The following EDA variants were observed in gnomAD, a reference collection of about 807,000 sequenced individuals.
EDA encodes ectodysplasin-A.
In EDA, 2 loss-of-function variants were observed where a neutral mutation model predicts 23.6. That is an observed-to-expected ratio of 0.08 (90% CI 0.03 to 0.27). The LOEUF (loss-of-function observed/expected upper bound fraction) is 0.27. EDA is among the 10% of genes least tolerant of loss of function. EDA has a pLI of 1.00. For synonymous variants in EDA, 131 were observed against 132.0 expected (o/e 0.99, Z 0.05); for missense variants, 229 against 324.2 (o/e 0.71, Z 2.26).
chrX:69,773,338 C>A (rs763284334), intron 1 of EDA, among the ~76,000 whole-genome samples: 65 of 111,798 alleles, frequency 5.8e-4, no homozygotes, highest in Non-Finnish European at 9.6e-4. Flanking sequence ...TTGTTTCCAC[C>A]CTTTGGCTTT....
intron 2 of EDA, among the ~76,000 whole-genome samples, chrX:69,983,758 G>A (rs1274705052): frequency 1.1e-5 from 1 of 89,227 alleles, no homozygotes; most frequent in Non-Finnish European, 2.2e-5. Context: ...TTCTCGAGGA[G>A]TATCTTTGTG....
chrX:69,910,694 C>T (rs1474673253), intron 1 of EDA, among the ~76,000 whole-genome samples: 1 of 111,131 alleles, frequency 9.0e-6, no homozygotes, highest in Admixed American at 9.7e-5. Context: ...CGTTCACTGA[C>T]TATTTTGTCA....
At chrX:69,785,878 C>T (rs2015147121) in intron 1 of EDA, among the ~76,000 whole-genome samples, 1 of 109,160 alleles carries the variant, frequency 9.2e-6, no homozygotes, top group South Asian at 4.0e-4. Flanking sequence ...GTACCAGTTC[C>T]TCCTTGTACC....
intron 4 of EDA, 106 bp downstream of exon 4, chrX:70,028,142 T>C (rs898618750): frequency 8.8e-7 from 1 of 1,131,068 alleles, no homozygotes; most frequent in Non-Finnish European, 1.2e-6. Context: ...ATGGGGTTGG[T>C]GTGCAATAAG....
chrX:69,687,950 A>G (rs1293162797), intron 1 of EDA, among the ~76,000 whole-genome samples: 1 of 111,918 alleles, frequency 8.9e-6, no homozygotes, highest in African/African-American at 3.2e-5. Context: ...AGCATTGAGC[A>G]GTAGAAGGAG....
At chrX:69,680,951 G>A (rs1337589897) in intron 1 of EDA, among the ~76,000 whole-genome samples, 21 of 107,145 alleles carry the variant, frequency 2.0e-4, no homozygotes, top group East Asian at 3.0e-4. Context: ...ATTTTGCAGC[G>A]GCTGGTACCG....
At chrX:69,944,233 C>A (rs1208034594) in intron 1 of EDA, among the ~76,000 whole-genome samples, 1 of 112,235 alleles carries the variant, frequency 8.9e-6, no homozygotes, top group African/African-American at 3.2e-5. Context: ...CTCCTTTTGT[C>A]AAGCAAGAGG....
intron 1 of EDA, among the ~76,000 whole-genome samples, chrX:69,654,480 A>G (rs929578855): frequency 8.9e-6 from 1 of 111,801 alleles, no homozygotes; most frequent in African/African-American, 3.3e-5. Context: ...TCATGCTGCT[A>G]TAAAGACACA....
At chrX:69,846,593 C>G (rs761924221) in intron 1 of EDA, among the ~76,000 whole-genome samples, 3 of 111,529 alleles carry the variant, frequency 2.7e-5, no homozygotes, top group Non-Finnish European at 5.6e-5. Context: ...CCGTGCCCGG[C>G]CTGTTTGTTT....
chrX:69,681,398 A>G lies in EDA; in HGVS notation c.396+64694A>G, dbSNP rs1388438895. 8.7e-4 allele frequency among the ~76,000 whole-genome samples: 96 copies of G among 110,734 alleles called. No homozygotes were observed. In the Middle Eastern group the frequency reaches 0.014, roughly 16 times the overall value. On this transcript the variant is annotated intron_variant, in intron 1 of 7. Transcript: ENST00000374552. ...TGCTAGATTGGGGAAGTTCTCCTGG[A>G]TAATATCCTGCAGAGTGTTTTCCAA... is the stretch of plus-strand genomic sequence containing the variant.
At chrX:69,787,530 T>G (rs1408017457) in intron 1 of EDA, among the ~76,000 whole-genome samples, 3 of 101,706 alleles carry the variant, frequency 2.9e-5, no homozygotes, top group African/African-American at 1.0e-4. Context: ...GTAAAGTATT[T>G]TATTTCTCCT....
intron 1 of EDA, among the ~76,000 whole-genome samples, chrX:69,759,628 T>C (rs2014236365): frequency 9.0e-6 from 1 of 111,463 alleles, no homozygotes; most frequent in South Asian, 3.8e-4. Flanking sequence ...TCTGAGGAGC[T>C]TACAGTCTAA....
intron 1 of EDA, among the ~76,000 whole-genome samples, chrX:69,882,783 T>C: frequency 9.0e-6 from 1 of 111,162 alleles, no homozygotes; most frequent in Non-Finnish European, 1.9e-5. Context: ...GCTTACTGCA[T>C]CCTCTGCCTC....
chrX:69,913,582 C>T (rs1054479957), intron 1 of EDA, among the ~76,000 whole-genome samples: 1 of 112,149 alleles, frequency 8.9e-6, no homozygotes, highest in Non-Finnish European at 1.9e-5. Flanking sequence ...AAACTTTCTC[C>T]ATATCGGCAA....
At chrX:69,772,199 A>G (rs1451400820) in intron 1 of EDA, among the ~76,000 whole-genome samples, 3 of 111,529 alleles carry the variant, frequency 2.7e-5, no homozygotes, top group African/African-American at 6.5e-5. Flanking sequence ...GGCTGAAGCA[A>G]TCCTCTCACC....
intron 1 of EDA, among the ~76,000 whole-genome samples, chrX:69,773,397 C>T (rs1051920373): frequency 1.8e-5 from 2 of 111,408 alleles, no homozygotes; most frequent in African/African-American, 3.3e-5. Context: ...CTATTTGTGT[C>T]GCTGCTTTCA....
chrX:69,988,396 G>C (rs2019535919), intron 2 of EDA, among the ~76,000 whole-genome samples: 1 of 111,929 alleles, frequency 8.9e-6, no homozygotes, highest in Non-Finnish European at 1.9e-5. Flanking sequence ...ATAACCAAAA[G>C]AGTATAAGTG....
intron 2 of EDA, among the ~76,000 whole-genome samples, chrX:70,002,210 A>G (rs763978558): frequency 9.0e-6 from 1 of 111,450 alleles, no homozygotes; most frequent in African/African-American, 3.3e-5. Flanking sequence ...TGCTCATGAA[A>G]GAGTGTGTAG....
chrX:69,903,523 A>G (rs2018126180), intron 1 of EDA, among the ~76,000 whole-genome samples: 1 of 108,541 alleles, frequency 9.2e-6, no homozygotes, highest in Non-Finnish European at 1.9e-5. Flanking sequence ...TGTCTGTCAC[A>G]TTTTCTCTTC....
Sources: gnomAD v4.1 joint callset for allele counts (sites outside exome capture counted in the v4.1 genomes callset) on GRCh38, gnomAD v4.1.1 for gene constraint, MANE v1.5 for transcripts, NCBI Gene and HGNC (gene_info 2026-07-23, HGNC 2026-07-21) for gene names.